The following PDP1 variants were observed in gnomAD, a reference collection of about 807,000 sequenced individuals.
PDP1 encodes pyruvate dehydrogenase phosphatase catalytic subunit 1, also known as pyruvate dehyrogenase phosphatase catalytic subunit 1.
PDP1 carries 14 observed loss-of-function variants against 37.1 expected under a neutral mutation model. The observed-to-expected ratio is 0.38, with a 90% CI of 0.25 to 0.59. PDP1 has a LOEUF of 0.59. Ranked by LOEUF, PDP1 falls within the 20% of genes least tolerant of loss-of-function variation. The pLI is 0.67. For synonymous variants in PDP1, 251 were observed against 243.3 expected (o/e 1.03, Z -0.29); for missense variants, 544 against 655.3 (o/e 0.83, Z 1.85).
intron 1 of PDP1, among the ~76,000 whole-genome samples, chr8:93,918,321 T>G (rs1810152608): frequency 6.6e-6 from 1 of 152,244 alleles, no homozygotes; most frequent in Non-Finnish European, 1.5e-5. Context: ...ATTAAATGAT[T>G]AGCATAGCTT....
chr8:93,917,645 G>T, intron 1 of PDP1: 1 of 631,982 alleles, frequency 1.6e-6, no homozygotes, highest in African/African-American at 1.8e-5. Flanking sequence ...GCCTTGGGCT[G>T]TGGCTTTGCC....
Position 93,921,960 on chromosome 8 carries a change from A to C in PDP1, c.-44-56A>C. Reference sequence around the variant, plus strand: ...TTGTTATAAAGGCAAAGCTAGATTAAGTATCCTGAAATGTAACTCTTTCCT... The same window carrying C: ...TTGTTATAAAGGCAAAGCTAGATTACGTATCCTGAAATGTAACTCTTTCCT... On this transcript the variant is annotated intron_variant, in intron 1 of 1. Coordinates refer to ENST00000297598, the MANE Select transcript of PDP1 (RefSeq NM_018444.4). 3 of 1,229,348 alleles carry C rather than the reference A, an allele frequency of 2.4e-6. No homozygotes were observed. The South Asian group carries it at 4.3e-5, about 18-fold the overall frequency. The allele number at this position is 1,229,348 out of a possible 1,614,324, so 76.2% of individuals were successfully genotyped here.
intron 1 of PDP1, chr8:93,918,073 G>A (rs868699512): frequency 9.8e-7 from 1 of 1,023,296 alleles, no homozygotes. Context: ...AGGGACAAAC[G>A]CGTCTTGGAT....
Position 93,922,045 on chromosome 8 carries a change from C to G in PDP1, c.-15C>G. On this transcript the variant is annotated 5_prime_UTR_variant, in exon 2 of 2. Transcript: ENST00000297598. This position sits in a 1 kb window ranked among gnomAD's most constrained non-coding sequence, Gnocchi z 4.0. ...CCCAGTCAGAAGTTCCAGCCTGCCA[C>G]TGTTCTCTGATGCCATGCCAGCACC... The G allele has an allele frequency of 1.2e-6, 2 of 1,601,036 alleles. No individual in the cohort carries two copies. The highest frequency in any genetic ancestry group is 1.7e-6 in the Non-Finnish European group (2 of 1,170,578).
rs1023787451 is a variant in PDP1, at chr8:93,917,035, C to T, written c.-89C>T. 7 of 477,314 alleles carry T rather than the reference C, an allele frequency of 1.5e-5. No homozygotes were observed. The highest frequency in any genetic ancestry group is 2.2e-5 in the Admixed American group (1 of 46,442). 29.6% of individuals were successfully genotyped at this position (477,314 alleles called of 1,614,324 possible). On this transcript the variant is annotated 5_prime_UTR_variant, in exon 1 of 2. Coordinates refer to ENST00000297598, the MANE Select transcript of PDP1 (RefSeq NM_018444.4). ...GCGCCGAGCGGTGGCGTCGTTGTCG[C>T]CCCCTCCTCGTCGGGAAGAATCGTT... is the stretch of plus-strand genomic sequence containing the variant.
chr8:93,918,661 C>G lies in PDP1; in HGVS notation c.-45+1582C>G, dbSNP rs547418494. On this transcript the variant is annotated intron_variant, in intron 1 of 1. Coordinates refer to ENST00000297598, the MANE Select transcript of PDP1 (RefSeq NM_018444.4). Reference sequence around the variant, plus strand: ...AGAATAACTTGCAAATTTGACACTGCTCTGTTTTACCAACAGTTGTACCTG... The same window carrying G: ...AGAATAACTTGCAAATTTGACACTGGTCTGTTTTACCAACAGTTGTACCTG... Among the ~76,000 whole-genome samples the G allele has an allele frequency of 2.0e-5, 3 of 152,328 alleles. No individual in the cohort carries two copies. In the East Asian group the frequency reaches 5.8e-4, roughly 29 times the overall value.
Position 93,922,117 on chromosome 8 carries a change from A to C in PDP1, c.58A>C (p.Ile20Leu). Residue 20 changes from isoleucine to leucine, a missense_variant, in exon 2 of 2, where the codon ATC becomes CTC. By Grantham distance (5) the Ile-to-Leu change is conservative. Transcript: ENST00000297598. This position sits in a 1 kb window ranked among gnomAD's most constrained non-coding sequence, Gnocchi z 4.0. ...CATCCGTAACTGTGAACTGAGCAGG[A>C]TCTATGGCACTGCATGTTACTGCCA... is the stretch of plus-strand genomic sequence containing the variant. ...PLIRNCELSR[I>L]YGTACYCHHK... 2 of 1,614,040 alleles carry C rather than the reference A, an allele frequency of 1.2e-6. No individual in the cohort carries two copies. Among genetic ancestry groups the C allele is most frequent in the South Asian group, 2.2e-5 (2 of 91,074 alleles).
rs1810303209 is a variant in PDP1 at position 93,922,278 on chromosome 8, C to T, written c.219C>T (p.Ser73=). 1 of 1,614,052 alleles carries T rather than the reference C, an allele frequency of 6.2e-7. No individual in the cohort carries two copies. The highest frequency in any genetic ancestry group is 8.5e-7 in the Non-Finnish European group (1 of 1,180,036). ...WQYTQGRRYA[S]TPQKFYLTPP... ...ACACCCAAGGAAGGAGATATGCTTC[C>T]ACACCACAGAAATTTTACCTCACAC... The change falls in exon 2 of 2, where the codon TCC becomes TCT. Residue 73 remains serine (S), a synonymous_variant. Coordinates refer to ENST00000297598, the MANE Select transcript of PDP1 (RefSeq NM_018444.4). The surrounding 1 kb of genome is among the most constrained non-coding windows in gnomAD (Gnocchi z 4.0).
chr8:93,919,133 G>T, intron 1 of PDP1: 1 of 982,228 alleles, frequency 1.0e-6, no homozygotes, highest in Non-Finnish European at 1.2e-6. Flanking sequence ...TGGAGAATTT[G>T]ATGTTTGAAC....
At chr8:93,917,613 C>T (rs1810114687) in intron 1 of PDP1, 1 of 499,104 alleles carries the variant, frequency 2.0e-6, no homozygotes, top group Non-Finnish European at 3.6e-6. Context: ...GGGCGCACCC[C>T]TGCTCGCGCC....
At chr8:93,917,459 G>C (rs1314076383) in intron 1 of PDP1, among the ~76,000 whole-genome samples, 1 of 151,834 alleles carries the variant, frequency 6.6e-6, no homozygotes, top group Non-Finnish European at 1.5e-5. Context: ...CCCGCTGGCA[G>C]CCTGACACCG....
At chr8:93,917,865 G>T (rs1348289037) in intron 1 of PDP1, 1 of 1,613,736 alleles carries the variant, frequency 6.2e-7, no homozygotes, top group Non-Finnish European at 8.5e-7. Context: ...CGCTGCTGCT[G>T]CCCGCGCGGG....
Position 93,922,970 on chromosome 8 carries a change from C to T in PDP1, c.911C>T (p.Ser304Leu). The T allele has an allele frequency of 1.2e-6, 2 of 1,614,150 alleles. No homozygotes were observed. Among genetic ancestry groups the T allele is most frequent in the Non-Finnish European group, 1.7e-6 (2 of 1,180,034 alleles). ...CTGGGTGTGCAGGAAGAGGACGGCT[C>T]ATGGTCAGCAGTCACGCTGTCTAAT... ...AMLGVQEEDG[S>L]WSAVTLSNDH... Residue 304 changes from serine to leucine, a missense_variant, in exon 2 of 2, where the codon TCA becomes TTA. Around this residue, in one of 5 missense-constraint regions of PDP1, gnomAD observed 342 missense variants for 414.0 expected, o/e 0.83. Coordinates refer to ENST00000297598, the MANE Select transcript of PDP1 (RefSeq NM_018444.4). The surrounding 1 kb of genome is among the most constrained non-coding windows in gnomAD (Gnocchi z 4.0).
chr8:93,921,118 G>A, intron 1 of PDP1: 1 of 981,480 alleles, frequency 1.0e-6, no homozygotes, highest in Non-Finnish European at 1.2e-6. Flanking sequence ...ATTCAACAGT[G>A]AATAAATGAA....
Position 93,923,385 on chromosome 8 carries a change from C to T in PDP1, c.1326C>T (p.His442=). 6.2e-7 allele frequency: 1 copy of T among 1,611,182 alleles called. No individual in the cohort carries two copies. The highest frequency in any genetic ancestry group is 1.3e-5 in the African/African-American group (1 of 74,956). Residue 442 remains histidine, a synonymous_variant, in exon 2 of 2, where the codon CAC becomes CAT. Transcript: ENST00000297598. The surrounding 1 kb of genome is among the most constrained non-coding windows in gnomAD (Gnocchi z 4.3). ...IVGEYLTGMH[H]QQPIAVGGYK... is the part of the protein sequence containing the mutation. ...GTGAGTACCTAACTGGCATGCATCACCAACAGCCAATAGCTGTTGGTGGCT... is the reference window on the plus strand; with the variant it reads ...GTGAGTACCTAACTGGCATGCATCATCAACAGCCAATAGCTGTTGGTGGCT...
chr8:93,922,748 T>G lies in PDP1; in HGVS notation c.689T>G (p.Ile230Ser), dbSNP rs201467137. The G allele has an allele frequency of 1.2e-6, 2 of 1,614,130 alleles. No individual in the cohort carries two copies. Among genetic ancestry groups the G allele is most frequent in the East Asian group, 2.2e-5 (1 of 44,886 alleles). ...CTCAACACTGGTGAGTCGACTGATA[T>G]TGATGTTAAGGAGGCTCTAATTAAT... Reference protein sequence around the residue: ...IDLNTGESTDIDVKEALINAF... With the variant: ...IDLNTGESTDSDVKEALINAF... The change falls in exon 2 of 2, where the codon ATT becomes AGT. Residue 230 changes from isoleucine to serine, a missense_variant. By Grantham distance (142) the Ile-to-Ser change is moderately radical. Coordinates refer to ENST00000297598, the MANE Select transcript of PDP1 (RefSeq NM_018444.4). The surrounding 1 kb of genome is among the most constrained non-coding windows in gnomAD (Gnocchi z 4.0).
At chr8:93,917,727 TC>T (rs1810120973) in intron 1 of PDP1, 28 of 1,257,312 alleles carry the variant, frequency 2.2e-5, no homozygotes, top group Non-Finnish European at 2.2e-5. Flanking sequence ...TCCATCCTCT[TC>T]CCCCCCACCT....
In PDP1 at chr8:93,923,554, C is replaced by T. The variant is rs761636189; in HGVS notation, c.1495C>T (p.Arg499Cys). ...CGAGTTTGGGACTGTTGATCATGAG[C>T]GCCTCTCTAAAATGCTTAGTCTTCC... is the stretch of plus-strand genomic sequence containing the variant. ...NNEFGTVDHE[R>C]LSKMLSLPEE... Residue 499 changes from arginine to cysteine, a missense_variant, in exon 2 of 2, where the codon CGC (arginine) becomes TGC (cysteine). This residue lies in a region of PDP1 where 159 missense variants were observed against 165.5 expected (regional missense o/e 0.96). Transcript: ENST00000297598. The surrounding 1 kb of genome is among the most constrained non-coding windows in gnomAD (Gnocchi z 4.3). The T allele has an allele frequency of 6.2e-6, 10 of 1,612,440 alleles. No individual in the cohort carries two copies. The highest frequency in any genetic ancestry group is 3.3e-5 in the South Asian group (3 of 91,066).
chr8:93,922,202 C>T lies in PDP1; in HGVS notation c.143C>T (p.Pro48Leu), dbSNP rs1245761871. The T allele has an allele frequency of 3.1e-6, 5 of 1,614,188 alleles. No individual in the cohort carries two copies. Among genetic ancestry groups the T allele is most frequent in the Non-Finnish European group, 4.2e-6 (5 of 1,180,034 alleles). The change falls in exon 2 of 2, where the codon CCT (proline) becomes CTT (leucine). Residue 48 changes from proline to leucine, a missense_variant. This residue lies in a region of PDP1 where 342 missense variants were observed against 414.0 expected (regional missense o/e 0.83). Transcript: ENST00000297598. This position sits in a 1 kb window ranked among gnomAD's most constrained non-coding sequence, Gnocchi z 4.0. ...CCTCAGAGTCGACTGAGATACACAC[C>T]TCATCCAGCATATGCTACCTTTTGC... ...YIPQSRLRYT[P>L]HPAYATFCRP...
Sources: gnomAD v4.1 joint callset for allele counts (sites outside exome capture counted in the v4.1 genomes callset) on GRCh38, gnomAD v4.1.1 for gene constraint, gnomAD v4.1.1 regional missense constraint, Gnocchi (gnomAD v3.1) non-coding constraint, MANE v1.5 for transcripts, NCBI Gene and HGNC (gene_info 2026-07-23, HGNC 2026-07-21) for gene names.